Variants in TRNAU1AP observed in about 807,000 individuals in gnomAD.
TRNAU1AP encodes tRNA selenocysteine 1 associated protein 1.
TRNAU1AP carries 33 observed loss-of-function variants against 43.3 expected under a neutral mutation model. The ratio of observed to expected loss-of-function variants is 0.76; its 90% confidence interval spans 0.58 to 1.02. The LOEUF (loss-of-function observed/expected upper bound fraction) is 1.02, where lower values mean the gene tolerates loss of function less well. TRNAU1AP is among the 50% of genes least tolerant of loss of function. The pLI is 0.00. For synonymous variants in TRNAU1AP, 143 were observed against 129.1 expected (o/e 1.11, Z -0.73); for missense variants, 290 against 362.7 (o/e 0.80, Z 1.63).
intron 8 of TRNAU1AP, among the ~76,000 whole-genome samples, chr1:28,573,501 G>A (rs183054066): frequency 8.6e-5 from 13 of 151,918 alleles, no homozygotes; most frequent in Admixed American, 3.3e-4. Flanking sequence ...TGCCAGGCGC[G>A]GTGGCTCACC....
rs189505854 is a variant in TRNAU1AP at position 28,569,893 on chromosome 1, C to G, written c.531-1283C>G. 2.0e-4 allele frequency among the ~76,000 whole-genome samples: 28 copies of G among 141,680 alleles called. No individual in the cohort carries two copies. In the East Asian group the frequency reaches 3.1e-3, roughly 16 times the overall value. 92.9% of individuals were successfully genotyped at this position (141,680 alleles called of 152,430 possible). A position where few individuals can be genotyped will look rare whatever the true frequency, so the allele number is the denominator to read the frequency against. On this transcript the variant is annotated intron_variant, in intron 6 of 8. Coordinates refer to ENST00000373830, the MANE Select transcript of TRNAU1AP (RefSeq NM_017846.5). Reference sequence around the variant, plus strand: ...GTGGGCGCCTATAGTCCCAGCTACTCGGGAGACTGAGGCAGGAGAATGGCA... The same window carrying G: ...GTGGGCGCCTATAGTCCCAGCTACTGGGGAGACTGAGGCAGGAGAATGGCA...
At chr1:28,576,684 C>T (rs531620137) in intron 8 of TRNAU1AP, among the ~76,000 whole-genome samples, 2 of 152,186 alleles carry the variant, frequency 1.3e-5, no homozygotes, top group African/African-American at 4.8e-5. Flanking sequence ...ACCGCAACCT[C>T]CACCTCCTGG....
intron 5 of TRNAU1AP, among the ~76,000 whole-genome samples, chr1:28,566,939 C>T (rs1446432940): frequency 6.6e-6 from 1 of 152,260 alleles, no homozygotes; most frequent in East Asian, 1.9e-4. Context: ...GCATACAGGG[C>T]AGACTGTAAA....
At chr1:28,564,305 G>A (rs921170585) in intron 4 of TRNAU1AP, among the ~76,000 whole-genome samples, 5 of 152,290 alleles carry the variant, frequency 3.3e-5, no homozygotes, top group African/African-American at 1.2e-4. Context: ...TAGGCTTTAC[G>A]TCCTTAGAAG....
At chr1:28,569,774 C>T (rs1284399398) in intron 6 of TRNAU1AP, among the ~76,000 whole-genome samples, 1 of 135,004 alleles carries the variant, frequency 7.4e-6, no homozygotes, top group East Asian at 2.2e-4. Context: ...ATCACAAGGT[C>T]AGGAGATTGA....
At chr1:28,554,997 G>C (rs1235991437) in intron 2 of TRNAU1AP, among the ~76,000 whole-genome samples, 1 of 152,004 alleles carries the variant, frequency 6.6e-6, no homozygotes, top group Non-Finnish European at 1.5e-5. Context: ...CCAGCACTTC[G>C]GGAGGCGAGA....
Position 28,564,830 on chromosome 1 carries a change from TC to T in TRNAU1AP, c.407del (p.Ser136LeufsTer7). The T allele has an allele frequency of 6.2e-7, 1 of 1,614,080 alleles. No homozygotes were observed. The highest frequency in any genetic ancestry group is 8.5e-7 in the Non-Finnish European group (1 of 1,179,990). On this transcript the variant is annotated frameshift_variant, in exon 5 of 9. Coordinates refer to ENST00000373830, the MANE Select transcript of TRNAU1AP (RefSeq NM_017846.5). LOFTEE classifies it high-confidence loss of function. ...GKVVLDQTGV[S>X]KGYGFVKFTD... ...GGTGGTTTTGGACCAGACAGGCGTG[TC>T]TAAGTAAGGCCTTACTTGTTACTGA...
At chr1:28,575,197 C>T (rs577100994) in intron 8 of TRNAU1AP, among the ~76,000 whole-genome samples, 1 of 152,242 alleles carries the variant, frequency 6.6e-6, no homozygotes, top group African/African-American at 2.4e-5. Flanking sequence ...GCTCTGTCAC[C>T]AGGCTGGAGT....
intron 5 of TRNAU1AP, among the ~76,000 whole-genome samples, chr1:28,566,753 C>G (rs1665548662): frequency 6.7e-6 from 1 of 148,612 alleles, no homozygotes; most frequent in Non-Finnish European, 1.5e-5. Flanking sequence ...GAGTGAAACT[C>G]CATCTCAAAA....
At chr1:28,568,022 G>C (rs763438054) in intron 6 of TRNAU1AP, among the ~76,000 whole-genome samples, 53 of 152,112 alleles carry the variant, frequency 3.5e-4, no homozygotes, top group Non-Finnish European at 2.6e-4. Flanking sequence ...AAATTAGCCA[G>C]TCATGGTGGT....
chr1:28,565,002 G>A, intron 5 of TRNAU1AP, 168 bp downstream of exon 5: 1 of 757,392 alleles, frequency 1.3e-6, no homozygotes, highest in Non-Finnish European at 2.2e-6. Context: ...GAGAATGCCA[G>A]TATTGTAGAA....
chr1:28,567,252 T>C (rs562733367), intron 5 of TRNAU1AP, 42 bp from the exon 6 acceptor site: 3 of 1,605,228 alleles, frequency 1.9e-6, no homozygotes, highest in East Asian at 2.2e-5. Flanking sequence ...TCTTAGACTT[T>C]AATCACATTT....
chr1:28,577,751 T>C lies in TRNAU1AP; in HGVS notation c.*115T>C, dbSNP rs1665831382. ...TGTAAGATTTTAATAATGACTGTTTTTGGAGATCATGAATGTTTCTACAAC... is the reference window on the plus strand; with the variant it reads ...TGTAAGATTTTAATAATGACTGTTTCTGGAGATCATGAATGTTTCTACAAC... On this transcript the variant is annotated 3_prime_UTR_variant, in exon 9 of 9. Transcript: ENST00000373830. The C allele has an allele frequency of 8.4e-7, 1 of 1,187,668 alleles. No individual in the cohort carries two copies. The highest frequency in any genetic ancestry group is 1.5e-5 in the African/African-American group (1 of 65,106). 73.6% of individuals were successfully genotyped at this position (1,187,668 alleles called of 1,614,324 possible).
At chr1:28,558,808 G>T (rs896641640) in intron 2 of TRNAU1AP, among the ~76,000 whole-genome samples, 2 of 151,586 alleles carry the variant, frequency 1.3e-5, no homozygotes, top group Admixed American at 1.3e-4. Context: ...CTCGTGATCC[G>T]CCCGCCTCGG....
intron 4 of TRNAU1AP, among the ~76,000 whole-genome samples, chr1:28,562,022 A>G (rs1665419509): frequency 6.6e-6 from 1 of 152,114 alleles, no homozygotes; most frequent in Non-Finnish European, 1.5e-5. Flanking sequence ...GATCAAGGCT[A>G]CTGTGAGCCA....
At chr1:28,557,448 ACTCTTGTTT>A (rs1012100075) in intron 2 of TRNAU1AP, among the ~76,000 whole-genome samples, 30 of 143,960 alleles carry the variant, frequency 2.1e-4, no homozygotes, top group South Asian at 4.4e-4. Context: ...AAGATATGGA[ACTCTTGTTT>A]CTTACATGTT....
chr1:28,571,271 A>G lies in TRNAU1AP; in HGVS notation c.626A>G (p.Tyr209Cys). The G allele has an allele frequency of 6.2e-7, 1 of 1,614,094 alleles. No homozygotes were observed. Among genetic ancestry groups the G allele is most frequent in the Non-Finnish European group, 8.5e-7 (1 of 1,179,964 alleles). Reference protein sequence around the residue: ...QYQNYYAQWGYDQNTGSYSYS... With the variant: ...QYQNYYAQWGCDQNTGSYSYS... Reference sequence around the variant, plus strand: ...CAGAACTACTATGCTCAGTGGGGCTATGACCAGAACACAGGCAGCTACAGC... The same window carrying G: ...CAGAACTACTATGCTCAGTGGGGCTGTGACCAGAACACAGGCAGCTACAGC... Residue 209 changes from tyrosine (Y) to cysteine (C), a missense_variant, in exon 7 of 9, where the codon TAT (tyrosine) becomes TGT (cysteine). By Grantham distance (194) the Tyr-to-Cys change is radical. Around this residue, in one of 3 missense-constraint regions of TRNAU1AP, gnomAD observed 174 missense variants for 262.1 expected, o/e 0.66. Transcript: ENST00000373830.
intron 6 of TRNAU1AP, among the ~76,000 whole-genome samples, chr1:28,569,918 A>G (rs1318953396): frequency 6.6e-6 from 1 of 151,088 alleles, no homozygotes; most frequent in Admixed American, 6.6e-5. Flanking sequence ...GGAGAATGGC[A>G]TGAACCCAGG....
intron 8 of TRNAU1AP, 141 bp downstream of exon 8, chr1:28,572,041 T>C (rs1040860153): frequency 4.5e-5 from 35 of 780,140 alleles, no homozygotes; most frequent in African/African-American, 2.5e-4. Flanking sequence ...CAGACAAATA[T>C]GTAATTATGG....
Sources: gnomAD v4.1 joint callset for allele counts (sites outside exome capture counted in the v4.1 genomes callset) on GRCh38, gnomAD v4.1.1 for gene constraint, gnomAD v4.1.1 regional missense constraint, MANE v1.5 for transcripts, NCBI Gene and HGNC (gene_info 2026-07-23, HGNC 2026-07-21) for gene names.